The following FGF12 variants were observed in gnomAD, a reference collection of about 807,000 sequenced individuals.
FGF12 encodes fibroblast growth factor 12B.
In FGF12, 14 loss-of-function variants were observed where a neutral mutation model predicts 23.6. The observed-to-expected ratio is 0.59, with a 90% CI of 0.39 to 0.93. FGF12 has a LOEUF of 0.93. Among genes scored for constraint, FGF12 ranks in the 40% least tolerant of loss-of-function variants. FGF12 has a pLI of 0.00. For synonymous variants in FGF12, 62 were observed against 77.3 expected (o/e 0.80, Z 1.04); for missense variants, 175 against 217.8 (o/e 0.80, Z 1.24).
At chr3:192,184,204 A>G (rs1052349067) in intron 4 of FGF12, among the ~76,000 whole-genome samples, 1 of 152,180 alleles carries the variant, frequency 6.6e-6, no homozygotes, top group Non-Finnish European at 1.5e-5. Flanking sequence ...AGCCTGAGCA[A>G]CAGAGACCCT....
At chr3:192,714,228 G>C (rs35027861) in intron 2 of FGF12, among the ~76,000 whole-genome samples, 33,134 of 151,960 alleles carry the variant, frequency 0.22, 3,934 homozygotes, top group East Asian at 0.38. Context: ...TCTTTGGCTA[G>C]GAATTAGGAA....
At chr3:192,486,652 A>C (rs1450708378) in intron 2 of FGF12, among the ~76,000 whole-genome samples, 1 of 152,112 alleles carries the variant, frequency 6.6e-6, no homozygotes, top group East Asian at 1.9e-4. Flanking sequence ...CACCCTGTTC[A>C]GGGCCTTGAA....
chr3:192,533,093 G>A (rs535079904), intron 2 of FGF12, among the ~76,000 whole-genome samples: 1 of 152,136 alleles, frequency 6.6e-6, no homozygotes, highest in South Asian at 2.1e-4. Context: ...GTGTGCTCAG[G>A]GATTCAACCA....
chr3:192,671,260 T>C (rs77482460), intron 2 of FGF12, among the ~76,000 whole-genome samples: 63 of 152,302 alleles, frequency 4.1e-4, no homozygotes, highest in Non-Finnish European at 7.6e-4. Flanking sequence ...TTTTGTGCTT[T>C]AGAAAAAACA....
At chr3:192,597,263 T>C (rs1713897528) in intron 2 of FGF12, among the ~76,000 whole-genome samples, 1 of 152,156 alleles carries the variant, frequency 6.6e-6, no homozygotes, top group Non-Finnish European at 1.5e-5. Flanking sequence ...TCATTCCCAC[T>C]ACATCCTCAA....
At chr3:192,513,760 G>T (rs1271866663) in intron 2 of FGF12, among the ~76,000 whole-genome samples, 1 of 152,146 alleles carries the variant, frequency 6.6e-6, no homozygotes, top group Non-Finnish European at 1.5e-5. Context: ...ATGTATTAGG[G>T]TGTCATTGTT....
At chr3:192,186,296 G>A (rs2108640927) in intron 4 of FGF12, among the ~76,000 whole-genome samples, 1 of 152,332 alleles carries the variant, frequency 6.6e-6, no homozygotes, top group Non-Finnish European at 1.5e-5. Flanking sequence ...TCACTTAAGA[G>A]TAAATCCATT....
At chr3:192,657,202 G>A (rs752981251) in intron 2 of FGF12, among the ~76,000 whole-genome samples, 13 of 151,470 alleles carry the variant, frequency 8.6e-5, no homozygotes, top group South Asian at 4.2e-4. Context: ...TTGATATAAC[G>A]TATTGAACAT....
intron 4 of FGF12, among the ~76,000 whole-genome samples, chr3:192,257,553 G>A (rs758040867): frequency 6.6e-6 from 1 of 152,120 alleles, no homozygotes; most frequent in Non-Finnish European, 1.5e-5. Context: ...TCTCTTCAGA[G>A]CCATTTTAAC....
chr3:192,297,589 CT>C (rs1458917886), intron 4 of FGF12, among the ~76,000 whole-genome samples: 1 of 152,104 alleles, frequency 6.6e-6, no homozygotes, highest in Non-Finnish European at 1.5e-5. Context: ...AACAATACCA[CT>C]TAGAATTTAT....
In FGF12 at chr3:192,655,184, C is replaced by A. The variant is rs554734169; in HGVS notation, c.13+71997G>T. Reference sequence around the variant, plus strand: ...GTGTGCAGAGACATCTGCTGCCTGGCCAATATCTATTCTCACTTCCTCCTT... The same window carrying A: ...GTGTGCAGAGACATCTGCTGCCTGGACAATATCTATTCTCACTTCCTCCTT... On this transcript the variant is annotated intron_variant, in intron 2 of 5. Transcript: ENST00000445105. Among the ~76,000 whole-genome samples, 164 of 152,278 alleles carry A rather than the reference C, an allele frequency of 1.1e-3. 1 individual carries two copies. Among genetic ancestry groups the A allele is most frequent in the African/African-American group, 3.7e-3 (154 of 41,568 alleles).
intron 4 of FGF12, among the ~76,000 whole-genome samples, chr3:192,279,417 A>G (rs899917700): frequency 2.2e-4 from 34 of 152,196 alleles, no homozygotes; most frequent in African/African-American, 7.7e-4. Context: ...TTTTCTAAGC[A>G]TTTCACATAT....
At chr3:192,567,002 A>G (rs1223499862) in intron 2 of FGF12, among the ~76,000 whole-genome samples, 1 of 152,142 alleles carries the variant, frequency 6.6e-6, no homozygotes, top group Non-Finnish European at 1.5e-5. Flanking sequence ...AATGCTAGTA[A>G]CATTATCTCC....
chr3:192,424,041 T>C (rs1333179500), intron 2 of FGF12, among the ~76,000 whole-genome samples: 1 of 151,944 alleles, frequency 6.6e-6, no homozygotes, highest in African/African-American at 2.4e-5. Context: ...CACCCCGCCC[T>C]CTTTAAATTT....
At chr3:192,467,452 C>T (rs1723043651) in intron 2 of FGF12, among the ~76,000 whole-genome samples, 1 of 152,108 alleles carries the variant, frequency 6.6e-6, no homozygotes, top group African/African-American at 2.4e-5. Context: ...ATGATGGCAG[C>T]AGAGTTCTAC....
chr3:192,297,877 C>T (rs1715130174), intron 4 of FGF12, among the ~76,000 whole-genome samples: 2 of 152,154 alleles, frequency 1.3e-5, no homozygotes, highest in Admixed American at 6.6e-5. Flanking sequence ...CTCTATATTT[C>T]TCGAAAGCTC....
intron 4 of FGF12, among the ~76,000 whole-genome samples, chr3:192,204,016 T>TA (rs201450732): frequency 2.2e-4 from 33 of 150,474 alleles, no homozygotes; most frequent in African/African-American, 7.8e-4. Flanking sequence ...AATTTGTCGT[T>TA]AAAAAAAAAG....
Position 192,360,342 on chromosome 3 carries a change from G to T in FGF12, c.124+86C>A. 1.1e-6 allele frequency: 1 copy of T among 900,650 alleles called. No homozygotes were observed. The highest frequency in any genetic ancestry group is 1.8e-6 in the Non-Finnish European group (1 of 548,296). 55.8% of individuals were successfully genotyped at this position (900,650 alleles called of 1,614,324 possible). ...TAGTTTGAAAGGCATAGTTTGGTAA[G>T]GCAGCTTAGCAATGCTTTAAGTATA... On this transcript the variant is annotated intron_variant, in intron 3 of 5. Transcript: ENST00000445105. This position sits in a 1 kb window ranked among gnomAD's most constrained non-coding sequence, Gnocchi z 4.3.
At chr3:192,489,143 G>C (rs1723724205) in intron 2 of FGF12, among the ~76,000 whole-genome samples, 1 of 151,944 alleles carries the variant, frequency 6.6e-6, no homozygotes, top group Admixed American at 6.6e-5. Context: ...CTGGGCCAAA[G>C]TAACTTTTAG....
Sources: allele counts gnomAD v4.1 joint callset (sites outside exome capture counted in the v4.1 genomes callset), GRCh38; gene constraint gnomAD v4.1.1; non-coding constraint Gnocchi (gnomAD v3.1); transcripts MANE v1.5; gene names NCBI Gene and HGNC (gene_info 2026-07-23, HGNC 2026-07-21).